Variants in KIF20B observed in about 807,000 individuals in gnomAD.
KIF20B encodes the protein kinesin family member 20B, also known as kinesin-like protein KIF20B.
In KIF20B, 188 loss-of-function variants were observed where a neutral mutation model predicts 232.5. That is an observed-to-expected ratio of 0.81 (90% CI 0.72 to 0.91). KIF20B has a LOEUF of 0.91. Ranked by LOEUF, KIF20B falls within the 40% of genes least tolerant of loss-of-function variation. The pLI is 0.00. For missense variants in KIF20B, 2,154 were observed against 2,055.9 expected (o/e 1.05, Z -0.92); for synonymous variants, 712 against 683.0 (o/e 1.04, Z -0.66).
intron 15 of KIF20B, 80 bp downstream of exon 15, chr10:89,725,238 C>T (rs1160306570): frequency 3.3e-6 from 4 of 1,217,134 alleles, no homozygotes; most frequent in Non-Finnish European, 4.7e-6. Context: ...TGATGAGAAA[C>T]ACCAAGATAG....
intron 6 of KIF20B, among the ~76,000 whole-genome samples, chr10:89,713,841 A>T (rs1298632517): frequency 6.6e-6 from 1 of 152,150 alleles, no homozygotes; most frequent in Non-Finnish European, 1.5e-5. Flanking sequence ...TGGCAGGATT[A>T]TACATGATAA....
intron 1 of KIF20B, among the ~76,000 whole-genome samples, chr10:89,704,899 G>A (rs1212202000): frequency 1.3e-5 from 2 of 152,194 alleles, no homozygotes; most frequent in Non-Finnish European, 2.9e-5. Flanking sequence ...AACAAAGTCT[G>A]TAAGTAACAT....
chr10:89,719,234 G>T (rs1217813509), intron 12 of KIF20B, among the ~76,000 whole-genome samples, 185 bp from the exon 13 acceptor site: 1 of 152,172 alleles, frequency 6.6e-6, no homozygotes, highest in East Asian at 1.9e-4. Flanking sequence ...TAGTTTACAT[G>T]TGTAAGTAGC....
Position 89,724,096 on chromosome 10 carries a change from G to A in KIF20B, c.1855G>A (p.Asp619Asn). Residue 619 changes from aspartate (D) to asparagine (N), a missense_variant, in exon 14 of 33, where the codon GAC becomes AAC. Physicochemically the swap from Asp to Asn is conservative, Grantham distance 23. Coordinates refer to ENST00000371728, the MANE Select transcript of KIF20B (RefSeq NM_001284259.2). Reference protein sequence around the residue: ...FTQYWAQREADFKETLLQERE... With the variant: ...FTQYWAQREANFKETLLQERE... Reference sequence around the variant, plus strand: ...TCAGTATTGGGCTCAACGGGAAGCTGACTTTAAGTAAGTTATTTATTTCAT... The same window carrying A: ...TCAGTATTGGGCTCAACGGGAAGCTAACTTTAAGTAAGTTATTTATTTCAT... 2 of 1,479,896 alleles carry A rather than the reference G, an allele frequency of 1.4e-6. No homozygotes were observed. Among genetic ancestry groups the A allele is most frequent in the South Asian group, 1.5e-5 (1 of 66,638 alleles). The allele number at this position is 1,479,896 out of a possible 1,614,324, so 91.7% of individuals were successfully genotyped here.
chr10:89,719,633 C>T lies in KIF20B; in HGVS notation c.1649C>T (p.Thr550Ile). The change falls in exon 13 of 33, where the codon ACT becomes ATT. Residue 550 changes from threonine (T) to isoleucine (I), a missense_variant. Thr to Ile is a moderately conservative substitution (Grantham distance 89). Coordinates refer to ENST00000371728, the MANE Select transcript of KIF20B (RefSeq NM_001284259.2). ...GCTGAAGAAACTCAAAATGTGGAAA[C>T]TAAACTTCTTGATGAAGATCTAGAT... ...ENAEETQNVE[T>I]KLLDEDLDKT... 1 of 1,612,994 alleles carries T rather than the reference C, an allele frequency of 6.2e-7. No homozygotes were observed. The highest frequency in any genetic ancestry group is 2.2e-5 in the East Asian group (1 of 44,784).
intron 7 of KIF20B, among the ~76,000 whole-genome samples, chr10:89,714,431 TC>T (rs1842896639): frequency 1.3e-5 from 2 of 152,082 alleles, no homozygotes; most frequent in Non-Finnish European, 2.9e-5. Flanking sequence ...TGAGCCGAGA[TC>T]GCGCCACTGC....
At position 89,768,832 on chromosome 10, in the gene KIF20B, C is replaced by T. The variant is rs1442268474; in HGVS notation, c.5186C>T (p.Thr1729Ile). Residue 1729 changes from threonine (T) to isoleucine (I), a missense_variant, in exon 31 of 33, where the codon ACA becomes ATA. Thr to Ile is a moderately conservative substitution (Grantham distance 89). Transcript: ENST00000371728. ...CTGGCCACTAAGAAAAAAGAAGGAA[C>T]ACTACAGAAATTTGGAGACTTCTTA... The part of the protein sequence containing the change: ...VNLATKKKEG[T>I]LQKFGDFLQH... The T allele has an allele frequency of 5.0e-6, 8 of 1,609,564 alleles. No individual in the cohort carries two copies. The highest frequency in any genetic ancestry group is 6.8e-6 in the Non-Finnish European group (8 of 1,178,020).
chr10:89,709,595 A>C, intron 4 of KIF20B, 134 bp downstream of exon 4: 1 of 597,142 alleles, frequency 1.7e-6, no homozygotes, highest in Non-Finnish European at 2.9e-6. Flanking sequence ...TAAGACTCAA[A>C]TCTCAGGTCT....
intron 26 of KIF20B, among the ~76,000 whole-genome samples, chr10:89,756,528 G>A (rs1842121315): frequency 6.6e-6 from 1 of 152,080 alleles, no homozygotes; most frequent in Admixed American, 6.6e-5. Context: ...ACACATTTTT[G>A]ATGTAATGTT....
At chr10:89,756,174 T>C (rs921106672) in intron 26 of KIF20B, among the ~76,000 whole-genome samples, 7 of 152,182 alleles carry the variant, frequency 4.6e-5, no homozygotes, top group Non-Finnish European at 1.0e-4. Flanking sequence ...ATGGTGTAAA[T>C]TTGCTCCCAT....
At chr10:89,733,304 T>C (rs1156795175) in intron 19 of KIF20B, among the ~76,000 whole-genome samples, 1 of 145,890 alleles carries the variant, frequency 6.9e-6, no homozygotes, top group Non-Finnish European at 1.5e-5. Context: ...TGTAATAATT[T>C]CTGTGCTTAT....
At chr10:89,728,905 T>TTGTGTGTGTGTGTGTGTGTG (rs71022581) in intron 17 of KIF20B, among the ~76,000 whole-genome samples, 13 of 138,022 alleles carry the variant, frequency 9.4e-5, no homozygotes, top group Non-Finnish European at 1.2e-4. Context: ...TCTTTTTTCT[T>TTGTGTGTGTGTGTGTGTGTG]TGTGTGTGTG....
chr10:89,743,872 A>G lies in KIF20B; in HGVS notation c.3980A>G (p.Lys1327Arg), dbSNP rs1841857372. The change falls in exon 22 of 33, where the codon AAA becomes AGA. Residue 1327 changes from lysine (K) to arginine (R), a missense_variant. Transcript: ENST00000371728. ...RIKINELEKK[K>R]NQCSQELDMK... ...AAAATTAATGAACTGGAGAAAAAGA[A>G]AAACCAGTGTTCTCAGGAATTAGAT... is the stretch of plus-strand genomic sequence containing the variant. The G allele has an allele frequency of 6.3e-7, 1 of 1,590,278 alleles. No individual in the cohort carries two copies. Among genetic ancestry groups the G allele is most frequent in the Admixed American group, 1.8e-5 (1 of 56,350 alleles).
chr10:89,762,870 A>T (rs1357952586), intron 29 of KIF20B, 35 bp downstream of exon 29: 1 of 1,425,884 alleles, frequency 7.0e-7, no homozygotes, highest in South Asian at 1.2e-5. Context: ...TTTAATGAAC[A>T]AATCTTATTA....
chr10:89,749,872 C>T (rs1337903574), intron 23 of KIF20B, among the ~76,000 whole-genome samples: 1 of 151,994 alleles, frequency 6.6e-6, no homozygotes, highest in African/African-American at 2.4e-5. Flanking sequence ...TTTTAATTTT[C>T]TTGGGGATGG....
chr10:89,769,957 C>G (rs1842433990), intron 31 of KIF20B, among the ~76,000 whole-genome samples: 3 of 151,944 alleles, frequency 2.0e-5, no homozygotes, highest in African/African-American at 4.8e-5. Context: ...TGTGAAAATA[C>G]TTTTTGTCGA....
intron 22 of KIF20B, among the ~76,000 whole-genome samples, chr10:89,744,910 G>T (rs1411367049): frequency 2.0e-5 from 3 of 152,172 alleles, no homozygotes; most frequent in African/African-American, 7.2e-5. Flanking sequence ...CATTAGATGA[G>T]ATTGGGGGTG....
chr10:89,731,532 T>C (rs933233800), intron 18 of KIF20B, among the ~76,000 whole-genome samples: 1 of 152,220 alleles, frequency 6.6e-6, no homozygotes, highest in African/African-American at 2.4e-5. Context: ...GCAAACTCTT[T>C]CCAATAATGA....
At chr10:89,717,985 A>G (rs1429167483) in intron 11 of KIF20B, among the ~76,000 whole-genome samples, 1 of 152,154 alleles carries the variant, frequency 6.6e-6, no homozygotes, top group African/African-American at 2.4e-5. Context: ...AGAAGCTTCT[A>G]ATGCTGGTTT....
Sources: gnomAD v4.1 joint callset for allele counts (sites outside exome capture counted in the v4.1 genomes callset) on GRCh38, gnomAD v4.1.1 for gene constraint, MANE v1.5 for transcripts, NCBI Gene and HGNC (gene_info 2026-07-23, HGNC 2026-07-21) for gene names.